POC1B: variants seen among roughly 807,000 people sequenced by gnomAD.
The protein encoded by POC1B is POC1 centriolar protein B, also known as POC1 centriolar protein homolog B.
In POC1B, 44 loss-of-function variants were observed where a neutral mutation model predicts 60.6. The ratio of observed to expected loss-of-function variants is 0.73; its 90% CI spans 0.57 to 0.93. POC1B has a LOEUF of 0.93. Ranked by LOEUF, POC1B falls within the 40% of genes least tolerant of loss-of-function variation. The probability of loss-of-function intolerance (pLI) is 0.00; values close to 1 mark genes in which losing one functional copy is unlikely to be tolerated. For missense variants in POC1B, 555 were observed against 572.3 expected, an observed-to-expected ratio of 0.97 and a Z score of 0.31; for synonymous variants, 180 against 198.9, an observed-to-expected ratio of 0.90 and a Z score of 0.80.
At chr12:89,524,202 T>C (rs1341125543) in intron 2 of POC1B, 3 of 1,614,012 alleles carry the variant, frequency 1.9e-6, no homozygotes, top group Admixed American at 3.3e-5. Context: ...TTTTATCCTC[T>C]ATGTGTCGAT....
At chr12:89,480,410 TA>T (rs1014807660) in intron 4 of POC1B, among the ~76,000 whole-genome samples, 1 of 151,722 alleles carries the variant, frequency 6.6e-6, no homozygotes, top group Non-Finnish European at 1.5e-5. Context: ...TGATAAGTTA[TA>T]AAGCTAATTT....
intron 3 of POC1B, among the ~76,000 whole-genome samples, chr12:89,495,485 C>G (rs1280237441): frequency 2.0e-5 from 3 of 152,168 alleles, no homozygotes; most frequent in African/African-American, 7.2e-5. Context: ...AGAAAAAAAG[C>G]ACCCACTGGC....
intron 10 of POC1B, among the ~76,000 whole-genome samples, chr12:89,451,734 C>T (rs1030108107): frequency 2.0e-5 from 3 of 152,182 alleles, no homozygotes; most frequent in African/African-American, 7.2e-5. Context: ...TATGTGTTAG[C>T]AGACTTGCTG....
chr12:89,513,798 C>T (rs185265778), intron 2 of POC1B, among the ~76,000 whole-genome samples: 1 of 152,234 alleles, frequency 6.6e-6, no homozygotes, highest in African/African-American at 2.4e-5. Context: ...TCAGCAGCGG[C>T]ATTAGATTCT....
chr12:89,499,411 G>A (rs1193636786), intron 2 of POC1B, among the ~76,000 whole-genome samples: 2 of 152,250 alleles, frequency 1.3e-5, no homozygotes, highest in African/African-American at 4.8e-5. Flanking sequence ...CTCACTACCT[G>A]GGTGATGGAA....
intron 10 of POC1B, among the ~76,000 whole-genome samples, chr12:89,434,576 C>T (rs185863694): frequency 3.0e-4 from 46 of 152,300 alleles, no homozygotes; most frequent in African/African-American, 1.0e-3. Context: ...ATGCTGTATG[C>T]TGATCTAAAA....
intron 4 of POC1B, among the ~76,000 whole-genome samples, chr12:89,475,910 CTTTTTT>C (rs972058107): frequency 1.4e-4 from 12 of 86,138 alleles, no homozygotes; most frequent in Non-Finnish European, 1.7e-4. Context: ...TGAGGGAATT[CTTTTTT>C]TTTTTTTTTT....
chr12:89,411,649 C>A, the POC1B span, among the ~76,000 whole-genome samples: 3 of 152,148 alleles, frequency 2.0e-5, no homozygotes, highest in Non-Finnish European at 4.4e-5. Flanking sequence ...TAAGAACTGC[C>A]ACCTCAAGCA....
At position 89,423,436 on chromosome 12, in the gene POC1B, C is replaced by A. The variant is rs118063484; in HGVS notation, c.1332+1725G>T. ...TATAGGTGTGAGCCATTGTGCCCAGCCCTTCAGACACTTTTATACATTATC... is the reference window on the plus strand; with the variant it reads ...TATAGGTGTGAGCCATTGTGCCCAGACCTTCAGACACTTTTATACATTATC... On this transcript the variant is annotated intron_variant, in intron 11 of 11. Transcript: ENST00000313546. Among the ~76,000 whole-genome samples the A allele has an allele frequency of 9.6e-3, 1,464 of 152,236 alleles. 9 individuals carry two copies. The highest frequency in any genetic ancestry group is 0.016 in the Non-Finnish European group (1,067 of 68,004).
chr12:89,503,528 G>A (rs1450073600), intron 2 of POC1B, among the ~76,000 whole-genome samples: 3 of 152,000 alleles, frequency 2.0e-5, no homozygotes, highest in African/African-American at 7.2e-5. Flanking sequence ...GCCTCTGCCT[G>A]GCTGCCACCC....
chr12:89,496,267 C>T (rs1318026958), intron 3 of POC1B, among the ~76,000 whole-genome samples: 2 of 152,116 alleles, frequency 1.3e-5, no homozygotes, highest in Non-Finnish European at 2.9e-5. Flanking sequence ...AATCTAATGC[C>T]GCCGCTGATC....
intron 2 of POC1B, chr12:89,523,210 G>A (rs1565764274): frequency 6.2e-7 from 1 of 1,613,962 alleles, no homozygotes; most frequent in Non-Finnish European, 8.5e-7. Context: ...ACTGCGAATA[G>A]CCCCATGCCA....
At chr12:89,434,426 C>T (rs1881166233) in intron 10 of POC1B, among the ~76,000 whole-genome samples, 1 of 152,148 alleles carries the variant, frequency 6.6e-6, no homozygotes, top group African/African-American at 2.4e-5. Context: ...CTAGAGAAAC[C>T]TATTAATTTT....
intron 2 of POC1B, chr12:89,524,660 A>T (rs1871258263): frequency 8.6e-7 from 1 of 1,156,932 alleles, no homozygotes; most frequent in African/African-American, 1.5e-5. Flanking sequence ...TCTTCCTTTC[A>T]TGCAGGCGCT....
At chr12:89,450,177 A>C (rs760158550) in intron 10 of POC1B, among the ~76,000 whole-genome samples, 6 of 152,070 alleles carry the variant, frequency 3.9e-5, no homozygotes, top group Non-Finnish European at 7.4e-5. Context: ...AAAGGAAAAC[A>C]TATTTGTAGC....
At chr12:89,450,507 A>C (rs961316515) in intron 10 of POC1B, among the ~76,000 whole-genome samples, 1 of 152,284 alleles carries the variant, frequency 6.6e-6, no homozygotes, top group Admixed American at 6.5e-5. Flanking sequence ...CGCCCTGCCC[A>C]AGGTCAATCT....
chr12:89,467,001 T>C, intron 8 of POC1B, 79 bp from the exon 9 acceptor site: 2 of 1,191,264 alleles, frequency 1.7e-6, no homozygotes, highest in Non-Finnish European at 2.3e-6. Context: ...ACCCACAATA[T>C]ACAGAATTGT....
chr12:89,511,986 T>C (rs954953776), intron 2 of POC1B, among the ~76,000 whole-genome samples: 34 of 152,106 alleles, frequency 2.2e-4, no homozygotes, highest in Non-Finnish European at 4.9e-4. Flanking sequence ...TCCAGGAGAT[T>C]GGGGCTGTAG....
intron 4 of POC1B, among the ~76,000 whole-genome samples, chr12:89,478,332 T>C (rs1043466563): frequency 6.6e-6 from 1 of 152,202 alleles, no homozygotes; most frequent in Non-Finnish European, 1.5e-5. Context: ...TTGGCTAGGC[T>C]GGTCTTGAAC....
Sources: gnomAD v4.1 joint callset for allele counts (sites outside exome capture counted in the v4.1 genomes callset) on GRCh38, gnomAD v4.1.1 for gene constraint, MANE v1.5 for transcripts, NCBI Gene and HGNC (gene_info 2026-07-23, HGNC 2026-07-21) for gene names.